The following ANKDD1A variants were observed in gnomAD, a reference collection of about 807,000 sequenced individuals.
ANKDD1A encodes ankyrin repeat and death domain containing 1A.
A neutral mutation model predicts 63.5 loss-of-function variants in ANKDD1A; 59 were observed. The ratio of observed to expected loss-of-function variants is 0.93; its 90% CI spans 0.75 to 1.15. ANKDD1A has a LOEUF of 1.15. Ranked by LOEUF, ANKDD1A falls within the 50% of genes most tolerant of loss-of-function variation. The pLI, the probability that ANKDD1A is intolerant of heterozygous loss-of-function variation, is 0.00. For missense variants in ANKDD1A, 632 were observed against 656.4 expected (o/e 0.96, Z 0.41); for synonymous variants, 266 against 263.9 (o/e 1.01, Z -0.08).
chr15:64,954,865 C>CTTT (rs2085399972), intron 14 of ANKDD1A, among the ~76,000 whole-genome samples: 3 of 146,366 alleles, frequency 2.0e-5, no homozygotes, highest in Non-Finnish European at 3.0e-5. Context: ...TCTTTCTTCT[C>CTTT]CTTTTCTTCT....
intron 7 of ANKDD1A, among the ~76,000 whole-genome samples, 174 bp from the exon 8 acceptor site, chr15:64,931,313 G>A (rs1161752746): frequency 6.6e-6 from 1 of 152,142 alleles, no homozygotes; most frequent in African/African-American, 2.4e-5. Flanking sequence ...GGACTTCAGG[G>A]GTGGGGCTCA....
chr15:64,952,387 TTTC>T (rs1354620801), intron 14 of ANKDD1A, among the ~76,000 whole-genome samples: 9 of 105,774 alleles, frequency 8.5e-5, no homozygotes, highest in African/African-American at 4.4e-4. Context: ...CTTTCCTTCT[TTTC>T]TTCTTCCTCC....
At position 64,957,315 on chromosome 15, in the gene ANKDD1A, TAAA is replaced by T. The variant is rs1428096951; in HGVS notation, c.*128_*130del. On this transcript the variant is annotated 3_prime_UTR_variant, in exon 15 of 15. Transcript: ENST00000319580. ...TTCACAATTATTCCTTTTTCCACCT[TAAA>T]TAATAAGAGTAGAATACTTTCTGTG... 7.1e-6 allele frequency: 2 copies of T among 282,656 alleles called. No homozygotes were observed. Among genetic ancestry groups the T allele is most frequent in the Non-Finnish European group, 1.4e-5 (2 of 143,740 alleles). The allele number at this position is 282,656 out of a possible 1,614,324, so 17.5% of individuals were successfully genotyped here.
At chr15:64,943,415 G>A (rs1232888790) in intron 10 of ANKDD1A, 69 bp from the exon 11 acceptor site, 1 of 1,289,442 alleles carries the variant, frequency 7.8e-7, no homozygotes, top group African/African-American at 1.5e-5. Flanking sequence ...TCATTGTGCG[G>A]GCTGACTTAG....
chr15:64,943,725 C>T, intron 11 of ANKDD1A, 143 bp downstream of exon 11: 2 of 766,258 alleles, frequency 2.6e-6, no homozygotes, highest in Non-Finnish European at 4.4e-6. Flanking sequence ...AATGCAGCCT[C>T]CTCCAGGAAG....
At chr15:64,927,468 A>T (rs2140369887) in intron 6 of ANKDD1A, among the ~76,000 whole-genome samples, 1 of 152,280 alleles carries the variant, frequency 6.6e-6, no homozygotes, top group African/African-American at 2.4e-5. Flanking sequence ...GTAGCATATC[A>T]TTCAGGGCTT....
chr15:64,950,786 C>T (rs1243541808), intron 14 of ANKDD1A: 3 of 962,650 alleles, frequency 3.1e-6, no homozygotes, highest in Non-Finnish European at 3.6e-6. Flanking sequence ...AGCTAAGACT[C>T]ATTTCAGGGT....
chr15:64,951,394 CCTCTT>C (rs2085272316), intron 14 of ANKDD1A: 2 of 267,742 alleles, frequency 7.5e-6, no homozygotes, highest in Non-Finnish European at 1.0e-5. Flanking sequence ...TTTTCTTCTT[CCTCTT>C]TTTTCTTTTT....
At position 64,943,583 on chromosome 15, in the gene ANKDD1A, G is replaced by A. The variant is rs1250527709; in HGVS notation, c.1065+1G>A. 3 of 1,614,016 alleles carry A rather than the reference G, an allele frequency of 1.9e-6. No homozygotes were observed. The highest frequency in any genetic ancestry group is 2.2e-5 in the East Asian group (1 of 44,868). On this transcript the variant is annotated splice_donor_variant, in intron 11 of 14. Transcript: ENST00000319580. LOFTEE classifies it high-confidence loss of function. ...GGTTGACTTAAACCTGAGAGATAAGGTACCTCTGCTTACAACCCACCTCGC... is the reference window on the plus strand; with the variant it reads ...GGTTGACTTAAACCTGAGAGATAAGATACCTCTGCTTACAACCCACCTCGC...
intron 13 of ANKDD1A, among the ~76,000 whole-genome samples, chr15:64,948,160 G>A (rs2085238662): frequency 6.6e-6 from 1 of 152,136 alleles, no homozygotes; most frequent in Non-Finnish European, 1.5e-5. Context: ...AATATAGAGA[G>A]AGAATCTTTT....
intron 14 of ANKDD1A, chr15:64,951,308 T>TTC (rs1382413263): frequency 0.026 from 21,045 of 797,202 alleles, 604 homozygotes; most frequent in Admixed American, 0.051. Flanking sequence ...TCTTCTTCTC[T>TTC]TCTTCTTCTT....
intron 14 of ANKDD1A, among the ~76,000 whole-genome samples, chr15:64,953,677 T>TTCC (rs2085355450): frequency 9.7e-5 from 14 of 143,794 alleles, no homozygotes; most frequent in African/African-American, 1.8e-4. Context: ...TCTCCTTCTT[T>TTCC]TCTTCTCCTT....
At chr15:64,935,400 G>A (rs2085122125) in intron 9 of ANKDD1A, among the ~76,000 whole-genome samples, 1 of 152,110 alleles carries the variant, frequency 6.6e-6, no homozygotes, top group African/African-American at 2.4e-5. Context: ...GTGTGGCCGG[G>A]TACAGTGGCT....
intron 14 of ANKDD1A, among the ~76,000 whole-genome samples, chr15:64,951,586 CTT>C (rs2085279106): frequency 3.1e-4 from 1 of 3,192 alleles, no homozygotes; most frequent in Admixed American, 3.6e-3. Context: ...CTTCTTCTTC[CTT>C]TTCTTTCTTC....
chr15:64,918,542 C>G (rs2084986578), intron 3 of ANKDD1A, among the ~76,000 whole-genome samples: 1 of 152,174 alleles, frequency 6.6e-6, no homozygotes, highest in African/African-American at 2.4e-5. Context: ...CCTCTTGCAT[C>G]AAGTCTTTAT....
At chr15:64,947,622 CAACCAT>C (rs2085234467) in intron 13 of ANKDD1A, 29 bp downstream of exon 13, 1 of 1,608,960 alleles carries the variant, frequency 6.2e-7, no homozygotes, top group Admixed American at 1.7e-5. Context: ...TCGCCCTAAG[CAACCAT>C]TGGGCGGAGG....
chr15:64,945,839 G>A (rs374663370), intron 12 of ANKDD1A, among the ~76,000 whole-genome samples: 19 of 150,798 alleles, frequency 1.3e-4, no homozygotes, highest in South Asian at 6.3e-4. Context: ...TCACTATGTT[G>A]GCCAGGATGG....
chr15:64,944,625 G>A (rs1417306460), intron 11 of ANKDD1A, 27 bp from the exon 12 acceptor site: 2 of 1,607,868 alleles, frequency 1.2e-6, no homozygotes, highest in East Asian at 2.2e-5. Flanking sequence ...AGAAACTCTG[G>A]CTTCTCTTCT....
At chr15:64,919,303 G>A (rs967585666) in intron 3 of ANKDD1A, among the ~76,000 whole-genome samples, 7 of 152,228 alleles carry the variant, frequency 4.6e-5, no homozygotes, top group South Asian at 2.1e-4. Flanking sequence ...GACTCTGCCC[G>A]TGCTTGTTCT....
Sources: gnomAD v4.1 joint callset for allele counts (sites outside exome capture counted in the v4.1 genomes callset) on GRCh38, gnomAD v4.1.1 for gene constraint, MANE v1.5 for transcripts, NCBI Gene and HGNC (gene_info 2026-07-23, HGNC 2026-07-21) for gene names.